The following SSBP3 variants were observed in gnomAD, a reference collection of about 807,000 sequenced individuals.
The protein encoded by SSBP3 is single stranded DNA binding protein 3.
SSBP3 carries 5 observed loss-of-function variants against 69.6 expected under a neutral mutation model. The ratio of observed to expected loss-of-function variants is 0.07; its 90% CI spans 0.04 to 0.15. The LOEUF (loss-of-function observed/expected upper bound fraction) is 0.15. Ranked by LOEUF, SSBP3 falls within the 10% of genes least tolerant of loss-of-function variation. The pLI is 1.00. For missense variants in SSBP3, 312 were observed against 534.0 expected (o/e 0.58, Z 4.10); for synonymous variants, 196 against 193.4 (o/e 1.01, Z -0.11).
chr1:54,364,840 T>C (rs1319550486), intron 4 of SSBP3, among the ~76,000 whole-genome samples: 2 of 152,212 alleles, frequency 1.3e-5, no homozygotes, highest in Admixed American at 1.3e-4. Flanking sequence ...TCTCTCCCCA[T>C]TACCTGCAAC....
In SSBP3 at chr1:54,354,617, G is replaced by A. The variant is rs149939293; in HGVS notation, c.276+47244C>T. Among the ~76,000 whole-genome samples, 159 of 152,262 alleles carry A rather than the reference G, an allele frequency of 1.0e-3. 3 individuals are homozygous for A. The highest frequency in any genetic ancestry group is 6.8e-3 in the Middle Eastern group (2 of 294). ...ACCTCTCCCCCAGGAGCTTACAACC[G>A]AGATGGGGAGGGGGAGTGAGCCACC... On this transcript the variant is annotated intron_variant, in intron 4 of 17. Coordinates refer to ENST00000610401, the Ensembl canonical transcript of SSBP3.
intron 5 of SSBP3, among the ~76,000 whole-genome samples, chr1:54,273,090 G>C (rs947043148): frequency 2.0e-5 from 3 of 152,244 alleles, no homozygotes; most frequent in African/African-American, 7.2e-5. Context: ...CATGGGGCTG[G>C]CTCTGCGTTA....
At chr1:54,411,442 C>T (rs1021911543) in intron 1 of SSBP3, among the ~76,000 whole-genome samples, 6 of 149,478 alleles carry the variant, frequency 4.0e-5, no homozygotes, top group Non-Finnish European at 7.4e-5. Context: ...CGCACCACTG[C>T]ACTCCATCAT....
chr1:54,308,235 C>T (rs985816441), intron 4 of SSBP3, among the ~76,000 whole-genome samples: 2 of 152,190 alleles, frequency 1.3e-5, no homozygotes, highest in Non-Finnish European at 2.9e-5. Context: ...AGGCAGATCA[C>T]TTGAGGTCAG....
intron 4 of SSBP3, among the ~76,000 whole-genome samples, chr1:54,349,921 AC>A (rs1328388731): frequency 6.6e-6 from 1 of 152,082 alleles, no homozygotes; most frequent in Non-Finnish European, 1.5e-5. Flanking sequence ...TACATCTCCC[AC>A]CTGGGGTCCC....
chr1:54,309,698 G>C lies in SSBP3; in HGVS notation c.277-28171C>G, dbSNP rs943961648. Among the ~76,000 whole-genome samples the C allele has an allele frequency of 1.0e-3, 155 of 152,214 alleles. 1 individual carries two copies. Among genetic ancestry groups the C allele is most frequent in the African/African-American group, 3.5e-3 (146 of 41,516 alleles). ...TAACTCCCCGGTTGCCCTGTACTCA[G>C]AAATAACCAAAAGCTTTAGCTGCTG... On this transcript the variant is annotated intron_variant, in intron 4 of 17. Coordinates refer to ENST00000610401, the Ensembl canonical transcript of SSBP3.
At chr1:54,247,104 GC>G (rs1570249800) in intron 9 of SSBP3, among the ~76,000 whole-genome samples, 1 of 152,228 alleles carries the variant, frequency 6.6e-6, no homozygotes, top group Non-Finnish European at 1.5e-5. Context: ...TTTGCACTCC[GC>G]CAGGTCCACA....
At chr1:54,365,136 A>G (rs1647009174) in intron 4 of SSBP3, among the ~76,000 whole-genome samples, 1 of 152,228 alleles carries the variant, frequency 6.6e-6, no homozygotes, top group Admixed American at 6.5e-5. Flanking sequence ...AAAACACCAG[A>G]CAATGTGAAT....
At chr1:54,241,066 A>C in intron 12 of SSBP3, 107 bp from the exon 13 acceptor site, 2 of 1,215,284 alleles carry the variant, frequency 1.6e-6, no homozygotes, top group Non-Finnish European at 2.3e-6. Flanking sequence ...CCCCAGGCCC[A>C]GCCGCTATTC....
intron 15 of SSBP3, 40 bp from the exon 16 acceptor site, chr1:54,228,517 T>C (rs767038348): frequency 1.9e-6 from 3 of 1,613,586 alleles, no homozygotes; most frequent in East Asian, 2.2e-5. Flanking sequence ...TCTTGCTTGC[T>C]CTTCCACGGA....
intron 7 of SSBP3, among the ~76,000 whole-genome samples, chr1:54,256,684 C>A (rs1644927065): frequency 1.3e-5 from 2 of 152,202 alleles, no homozygotes; most frequent in African/African-American, 4.8e-5. Flanking sequence ...GGCCATTTCC[C>A]CCCCTAATAG....
chr1:54,391,702 C>T (rs1309422073), intron 4 of SSBP3, among the ~76,000 whole-genome samples: 1 of 152,202 alleles, frequency 6.6e-6, no homozygotes, highest in Non-Finnish European at 1.5e-5. Flanking sequence ...ACACAAAGAG[C>T]AGGGGACACA....
intron 9 of SSBP3, among the ~76,000 whole-genome samples, chr1:54,248,766 AC>A (rs1644775468): frequency 6.6e-6 from 1 of 152,098 alleles, no homozygotes; most frequent in South Asian, 2.1e-4. Flanking sequence ...CAGTGCAGAC[AC>A]CCTGGGTTTC....
chr1:54,395,885 C>A (rs1361840282), intron 4 of SSBP3, among the ~76,000 whole-genome samples: 1 of 151,956 alleles, frequency 6.6e-6, no homozygotes, highest in African/African-American at 2.4e-5. Flanking sequence ...ACTCACCTTG[C>A]CAAGGCTACA....
intron 9 of SSBP3, among the ~76,000 whole-genome samples, chr1:54,245,271 A>G (rs1165928269): frequency 9.3e-5 from 8 of 86,352 alleles, no homozygotes; most frequent in Non-Finnish European, 1.8e-4. Flanking sequence ...GATTGTTCCC[A>G]CTTCAGTCTC....
chr1:54,405,007 C>A, intron 1 of SSBP3, 77 bp from the exon 2 acceptor site: 7 of 1,347,226 alleles, frequency 5.2e-6, no homozygotes, highest in Non-Finnish European at 7.4e-6. Context: ...ACCTTGCCAG[C>A]AGGCTTTGAG....
chr1:54,404,816 G>GC, intron 2 of SSBP3, 42 bp downstream of exon 2: 1 of 1,065,852 alleles, frequency 9.4e-7, no homozygotes, highest in East Asian at 3.0e-5. Flanking sequence ...AGTGGGGGGG[G>GC]GGGGTGTCAA....
chr1:54,314,220 A>G (rs1475705628), intron 4 of SSBP3, among the ~76,000 whole-genome samples: 1 of 152,226 alleles, frequency 6.6e-6, no homozygotes, highest in Non-Finnish European at 1.5e-5. Context: ...AGACAGGATT[A>G]CCTGATTGTC....
chr1:54,389,268 G>A (rs1042456977), intron 4 of SSBP3, among the ~76,000 whole-genome samples: 5 of 152,286 alleles, frequency 3.3e-5, no homozygotes, highest in African/African-American at 1.2e-4. Context: ...CAAGCCTGGA[G>A]TCCACAGGGG....
Sources: gnomAD v4.1 joint callset for allele counts (sites outside exome capture counted in the v4.1 genomes callset) on GRCh38, gnomAD v4.1.1 for gene constraint, MANE v1.5 for transcripts, NCBI Gene and HGNC (gene_info 2026-07-23, HGNC 2026-07-21) for gene names.